Variants in ZBTB20 observed in about 807,000 individuals in gnomAD.
ZBTB20 encodes zinc finger and BTB domain-containing protein 20.
A neutral mutation model predicts 56.9 loss-of-function variants in ZBTB20; 9 were observed. The ratio of observed to expected loss-of-function variants is 0.16; its 90% CI spans 0.10 to 0.28. The LOEUF (loss-of-function observed/expected upper bound fraction) is 0.28, where lower values mean the gene tolerates loss of function less well. Ranked by LOEUF, ZBTB20 falls within the 10% of genes least tolerant of loss-of-function variation. ZBTB20 has a pLI of 1.00. For missense variants in ZBTB20, 655 were observed against 1,003.0 expected, an observed-to-expected ratio of 0.65 and a Z score of 4.69; for synonymous variants, 417 against 420.7, an observed-to-expected ratio of 0.99 and a Z score of 0.11.
At chr3:114,668,508 C>G (rs765631338) in intron 6 of ZBTB20, among the ~76,000 whole-genome samples, 3 of 152,000 alleles carry the variant, frequency 2.0e-5, no homozygotes, top group Non-Finnish European at 4.4e-5. Flanking sequence ...AGGTTCTGAT[C>G]CCCTAAAATC....
chr3:114,711,107 A>G (rs949242144), intron 5 of ZBTB20, among the ~76,000 whole-genome samples: 43 of 152,268 alleles, frequency 2.8e-4, no homozygotes, highest in Middle Eastern at 3.4e-3. Context: ...CCCTATTTCA[A>G]ATAGCACTTT....
At chr3:114,712,176 A>G (rs1367706731) in intron 5 of ZBTB20, among the ~76,000 whole-genome samples, 1 of 152,124 alleles carries the variant, frequency 6.6e-6, no homozygotes, top group Non-Finnish European at 1.5e-5. Context: ...ATAAGACTTG[A>G]GCTCTAAATT....
chr3:115,005,331 T>C (rs2079419982), intron 2 of ZBTB20, among the ~76,000 whole-genome samples: 1 of 151,824 alleles, frequency 6.6e-6, no homozygotes, highest in Admixed American at 6.6e-5. Flanking sequence ...TATAAATTTA[T>C]CTGTATAAAT....
intron 4 of ZBTB20, among the ~76,000 whole-genome samples, chr3:114,869,501 T>A (rs1233106755): frequency 6.6e-6 from 1 of 152,118 alleles, no homozygotes; most frequent in Non-Finnish European, 1.5e-5. Flanking sequence ...AGGGGTTTAA[T>A]CTAGTAATAC....
intron 4 of ZBTB20, among the ~76,000 whole-genome samples, chr3:114,879,333 C>G (rs2076311050): frequency 6.6e-6 from 1 of 152,066 alleles, no homozygotes; most frequent in South Asian, 2.1e-4. Flanking sequence ...TGGCATAAAC[C>G]AACTCTGCCA....
intron 1 of ZBTB20, among the ~76,000 whole-genome samples, chr3:115,095,585 A>C (rs557961270): frequency 6.6e-6 from 1 of 151,998 alleles, no homozygotes; most frequent in African/African-American, 2.4e-5. Flanking sequence ...AAAACAAAAC[A>C]AAAAAAAGCC....
chr3:114,440,352 A>G (rs1052561039), intron 7 of ZBTB20, among the ~76,000 whole-genome samples: 1 of 152,168 alleles, frequency 6.6e-6, no homozygotes, highest in African/African-American at 2.4e-5. Flanking sequence ...GCTGGGGGAA[A>G]AAAAAATCCT....
At chr3:114,961,723 A>G (rs1231786528) in intron 3 of ZBTB20, among the ~76,000 whole-genome samples, 1 of 152,178 alleles carries the variant, frequency 6.6e-6, no homozygotes, top group African/African-American at 2.4e-5. Context: ...TACTTGTCTC[A>G]TAACAGGGCT....
chr3:115,128,628 C>T (rs560742107), intron 1 of ZBTB20, among the ~76,000 whole-genome samples: 137 of 150,288 alleles, frequency 9.1e-4, no homozygotes, highest in African/African-American at 3.3e-3. Flanking sequence ...GACGCCACTG[C>T]ACTCCATCCT....
intron 6 of ZBTB20, among the ~76,000 whole-genome samples, chr3:114,512,961 A>C (rs2045576954): frequency 6.6e-6 from 1 of 152,162 alleles, no homozygotes; most frequent in East Asian, 1.9e-4. Flanking sequence ...CAGTTAACCA[A>C]GTGCATATTT....
chr3:114,653,235 A>C (rs1385250847), intron 6 of ZBTB20, among the ~76,000 whole-genome samples: 1 of 151,886 alleles, frequency 6.6e-6, no homozygotes, highest in Non-Finnish European at 1.5e-5. Flanking sequence ...GAAAGCATTC[A>C]GATTTTATCA....
intron 6 of ZBTB20, among the ~76,000 whole-genome samples, chr3:114,686,264 G>C (rs2062337341): frequency 6.6e-6 from 1 of 152,166 alleles, no homozygotes; most frequent in Non-Finnish European, 1.5e-5. Flanking sequence ...TGATGGTGAG[G>C]TGTGGGAAAT....
chr3:114,778,954 C>T (rs1025578422), intron 5 of ZBTB20, among the ~76,000 whole-genome samples: 6 of 152,068 alleles, frequency 3.9e-5, no homozygotes, highest in African/African-American at 1.2e-4. Context: ...TTCAAAGTAC[C>T]AGGAGGCTAA....
chr3:114,444,219 G>A (rs894868146), intron 7 of ZBTB20, among the ~76,000 whole-genome samples: 1 of 152,090 alleles, frequency 6.6e-6, no homozygotes, highest in Non-Finnish European at 1.5e-5. Flanking sequence ...CTTTCCAAAA[G>A]ATCTTCTGAC....
At chr3:115,114,588 T>C (rs2083967384) in intron 1 of ZBTB20, among the ~76,000 whole-genome samples, 1 of 152,188 alleles carries the variant, frequency 6.6e-6, no homozygotes. Flanking sequence ...AAGTAAGTTA[T>C]AACATTATGT....
chr3:114,460,202 T>A (rs2092263059), intron 7 of ZBTB20, among the ~76,000 whole-genome samples: 3 of 152,110 alleles, frequency 2.0e-5, no homozygotes, highest in South Asian at 2.1e-4. Flanking sequence ...CTGACGGAAC[T>A]CTTAAATTCT....
chr3:114,970,481 C>T (rs2077826907), intron 3 of ZBTB20, among the ~76,000 whole-genome samples: 1 of 152,086 alleles, frequency 6.6e-6, no homozygotes, highest in Non-Finnish European at 1.5e-5. Flanking sequence ...AATGTTCGTG[C>T]TTCTTCTTAA....
intron 3 of ZBTB20, among the ~76,000 whole-genome samples, chr3:114,907,538 A>G (rs1423808962): frequency 6.6e-6 from 1 of 151,872 alleles, no homozygotes; most frequent in Non-Finnish European, 1.5e-5. Context: ...CCTGGTACCA[A>G]TAAGCTCATC....
intron 2 of ZBTB20, among the ~76,000 whole-genome samples, chr3:114,986,862 A>C (rs1409389434): frequency 2.0e-5 from 3 of 152,152 alleles, no homozygotes; most frequent in Non-Finnish European, 4.4e-5. Context: ...ATCATTTTCT[A>C]TTCTCCATCT....
Sources: allele counts gnomAD v4.1 joint callset (sites outside exome capture counted in the v4.1 genomes callset), GRCh38; gene constraint gnomAD v4.1.1; transcripts MANE v1.5; gene names NCBI Gene and HGNC (gene_info 2026-07-23, HGNC 2026-07-21).